ATP8B4: variants seen among roughly 807,000 people sequenced by gnomAD.
The protein encoded by ATP8B4 is ATPase phospholipid transporting 8B4 (putative).
ATP8B4 carries 133 observed loss-of-function variants against 145.6 expected under a neutral mutation model. That is an observed-to-expected ratio of 0.91 (90% CI 0.79 to 1.05). ATP8B4 has a LOEUF of 1.05. Ranked by LOEUF, ATP8B4 falls within the 50% of genes least tolerant of loss-of-function variation. ATP8B4 has a pLI of 0.00. For missense variants in ATP8B4, 1,458 were observed against 1,425.2 expected (o/e 1.02, Z -0.37); for synonymous variants, 507 against 492.9 (o/e 1.03, Z -0.38).
chr15:49,965,495 GA>G (rs60431343), intron 13 of ATP8B4, among the ~76,000 whole-genome samples: 2,658 of 152,268 alleles, frequency 0.017, 84 homozygotes, highest in African/African-American at 0.061. Flanking sequence ...TCAGCAGAAG[GA>G]ACAATCTGCA....
intron 6 of ATP8B4, among the ~76,000 whole-genome samples, chr15:50,029,756 T>A (rs1457828654): frequency 6.6e-6 from 1 of 152,158 alleles, no homozygotes; most frequent in Non-Finnish European, 1.5e-5. Context: ...GGAGAGGGAA[T>A]CATAAAATGC....
At chr15:49,955,175 T>C (rs572357765) in intron 14 of ATP8B4, among the ~76,000 whole-genome samples, 6 of 152,042 alleles carry the variant, frequency 3.9e-5, no homozygotes, top group Non-Finnish European at 5.9e-5. Flanking sequence ...TTACTAGAGG[T>C]AGCATAGAGA....
chr15:49,993,481 G>A (rs998375244), intron 9 of ATP8B4, among the ~76,000 whole-genome samples: 4 of 152,090 alleles, frequency 2.6e-5, no homozygotes, highest in African/African-American at 7.2e-5. Context: ...AAGAGCAATC[G>A]TGGGAAGGAT....
intron 5 of ATP8B4, among the ~76,000 whole-genome samples, chr15:50,041,972 C>T (rs966366734): frequency 2.7e-5 from 4 of 150,924 alleles, no homozygotes; most frequent in Non-Finnish European, 4.4e-5. Context: ...ATTTCCAACA[C>T]AGTAAAACCC....
chr15:50,102,379 C>T (rs1404874030), intron 2 of ATP8B4, among the ~76,000 whole-genome samples: 2 of 151,796 alleles, frequency 1.3e-5, no homozygotes, highest in African/African-American at 4.8e-5. Context: ...AGAGAAGATC[C>T]AAATAAGCTC....
At chr15:50,088,386 T>C (rs1298471120) in intron 2 of ATP8B4, among the ~76,000 whole-genome samples, 1 of 151,692 alleles carries the variant, frequency 6.6e-6, no homozygotes, top group African/African-American at 2.4e-5. Flanking sequence ...AAACCCTCGA[T>C]CCAGCCCTGA....
At chr15:50,070,855 C>T (rs1235434046) in intron 3 of ATP8B4, among the ~76,000 whole-genome samples, 3 of 152,142 alleles carry the variant, frequency 2.0e-5, no homozygotes, top group Non-Finnish European at 2.9e-5. Context: ...ATTCTTCTGC[C>T]TCAGCCTCTT....
At chr15:50,058,527 G>T (rs2052769614) in intron 3 of ATP8B4, among the ~76,000 whole-genome samples, 1 of 152,190 alleles carries the variant, frequency 6.6e-6, no homozygotes, top group South Asian at 2.1e-4. Context: ...AAGGGCCAAA[G>T]AGTTATAATA....
rs1175623340 is a variant in ATP8B4, at chr15:50,085,971, G to GATATATATCATATATATATGAT, written c.29-11787_29-11786insATCATATATATATGATATATAT. On this transcript the variant is annotated intron_variant, in intron 2 of 27. Coordinates refer to ENST00000284509, the MANE Select transcript of ATP8B4 (RefSeq NM_024837.4). ...ATATATATCATATATATTTATATAT[G>GATATATATCATATATATATGAT]ATATATCAAATATATCATATATATT... Among the ~76,000 whole-genome samples, 27 of 73,218 alleles carry GATATATATCATATATATATGAT rather than the reference G, an allele frequency of 3.7e-4. 1 individual carries two copies. Among genetic ancestry groups the GATATATATCATATATATATGAT allele is most frequent in the African/African-American group, 2.1e-3 (27 of 12,664 alleles). The allele number at this position is 73,218 out of a possible 152,430, so 48.0% of individuals were successfully genotyped here.
At chr15:50,099,809 C>A (rs954681959) in intron 2 of ATP8B4, among the ~76,000 whole-genome samples, 10 of 152,032 alleles carry the variant, frequency 6.6e-5, no homozygotes, top group African/African-American at 2.4e-4. Context: ...GAGGCCGAGG[C>A]GGGCAGATCA....
intron 14 of ATP8B4, among the ~76,000 whole-genome samples, chr15:49,936,898 A>G (rs991831931): frequency 4.0e-5 from 6 of 149,080 alleles, no homozygotes; most frequent in Admixed American, 4.0e-4. Flanking sequence ...CAGCCCTTCT[A>G]TTGAATGTTT....
intron 20 of ATP8B4, among the ~76,000 whole-genome samples, chr15:49,915,543 T>A (rs1351260399): frequency 6.6e-6 from 1 of 152,082 alleles, no homozygotes; most frequent in East Asian, 1.9e-4. Flanking sequence ...ATACATTCTA[T>A]CCATATAATA....
At chr15:50,067,974 G>A (rs573282603) in intron 3 of ATP8B4, among the ~76,000 whole-genome samples, 10 of 152,194 alleles carry the variant, frequency 6.6e-5, no homozygotes, top group African/African-American at 2.2e-4. Context: ...AAGAAAAGGG[G>A]ACAATGAATG....
At chr15:50,031,443 A>C (rs1403461806) in intron 6 of ATP8B4, among the ~76,000 whole-genome samples, 4 of 152,116 alleles carry the variant, frequency 2.6e-5, no homozygotes, top group Non-Finnish European at 4.4e-5. Flanking sequence ...AAAGGGAATA[A>C]CTCAATGGAG....
At chr15:50,043,858 C>A (rs574558863) in intron 5 of ATP8B4, among the ~76,000 whole-genome samples, 1 of 149,816 alleles carries the variant, frequency 6.7e-6, no homozygotes, top group South Asian at 2.1e-4. Flanking sequence ...GAGGCTGAGG[C>A]AGGAGAATGG....
At chr15:50,046,463 C>T (rs2051730477) in intron 4 of ATP8B4, among the ~76,000 whole-genome samples, 1 of 152,168 alleles carries the variant, frequency 6.6e-6, no homozygotes, top group South Asian at 2.1e-4. Context: ...AAATTGTGCC[C>T]ATGAATCCAG....
intron 6 of ATP8B4, among the ~76,000 whole-genome samples, chr15:50,035,215 A>T (rs1214977279): frequency 1.3e-5 from 2 of 152,180 alleles, no homozygotes; most frequent in Non-Finnish European, 2.9e-5. Flanking sequence ...CCATAATTAT[A>T]TTGTGGCTGA....
At chr15:50,032,353 A>C (rs2153593825) in intron 6 of ATP8B4, among the ~76,000 whole-genome samples, 1 of 152,328 alleles carries the variant, frequency 6.6e-6, no homozygotes, top group African/African-American at 2.4e-5. Flanking sequence ...GTCCCTGCAA[A>C]GGATATGAAC....
chr15:49,973,009 A>G (rs1320687777), intron 12 of ATP8B4, among the ~76,000 whole-genome samples: 1 of 152,202 alleles, frequency 6.6e-6, no homozygotes, highest in South Asian at 2.1e-4. Context: ...ACAATAAGTC[A>G]GCTTAGAATA....
Sources: allele counts gnomAD v4.1 joint callset (sites outside exome capture counted in the v4.1 genomes callset), GRCh38; gene constraint gnomAD v4.1.1; transcripts MANE v1.5; gene names NCBI Gene and HGNC (gene_info 2026-07-23, HGNC 2026-07-21).